Variants in PAFAH1B1 observed in about 807,000 individuals in gnomAD.
The protein encoded by PAFAH1B1 is platelet activating factor acetylhydrolase 1b regulatory subunit 1, also known as platelet-activating factor acetylhydrolase IB subunit beta.
PAFAH1B1 carries 2 observed loss-of-function variants against 57.5 expected under a neutral mutation model. That is an observed-to-expected ratio of 0.03 (90% confidence interval 0.01 to 0.11). The LOEUF is 0.11. Ranked by LOEUF, PAFAH1B1 falls within the 10% of genes least tolerant of loss-of-function variation. PAFAH1B1 has a pLI of 1.00. For missense variants in PAFAH1B1, 257 were observed against 512.0 expected (o/e 0.50, Z 4.81); for synonymous variants, 152 against 169.6 (o/e 0.90, Z 0.81).
At chr17:2,645,676 C>T (rs1002025887) in intron 2 of PAFAH1B1, among the ~76,000 whole-genome samples, 1 of 150,474 alleles carries the variant, frequency 6.6e-6, no homozygotes, top group African/African-American at 2.4e-5. Context: ...TGCAGTGGCA[C>T]GATCTCAGCT....
chr17:2,653,360 G>A (rs952369072), intron 2 of PAFAH1B1, among the ~76,000 whole-genome samples: 2 of 151,822 alleles, frequency 1.3e-5, no homozygotes, highest in Non-Finnish European at 2.9e-5. Flanking sequence ...CATGGCACAT[G>A]TATACATATG....
In PAFAH1B1 at chr17:2,682,792, A is replaced by T. The variant is rs552881841; in HGVS notation, c.*990A>T. ...ATACAGCAGTTTGTTTTTCAACATG[A>T]ATCTGATATTGATTTAAACTGTGTT... On this transcript the variant is annotated 3_prime_UTR_variant, in exon 11 of 11. Coordinates refer to ENST00000397195, the MANE Select transcript of PAFAH1B1 (RefSeq NM_000430.4). 2.0e-5 allele frequency: 3 copies of T among 152,852 alleles called. No homozygotes were observed. The East Asian group carries it at 5.8e-4, about 29-fold the overall frequency. The allele number at this position is 152,852 out of a possible 1,614,324, so 9.5% of individuals were successfully genotyped here.
rs189077516 is a variant in PAFAH1B1 at position 2,652,356 on chromosome 17, A to C, written c.33-13016A>C. On this transcript the variant is annotated intron_variant, in intron 2 of 10. Transcript: ENST00000397195. ...CGTGAACCCGGGAGGCGGAGCTTGC[A>C]GTGAGCCAAGATCGCGCCACTGCAC... 3.9e-3 allele frequency among the ~76,000 whole-genome samples: 591 copies of C among 152,350 alleles called. 1 individual carries two copies. The highest frequency in any genetic ancestry group is 0.013 in the African/African-American group (555 of 41,582).
chr17:2,680,812 G>T, intron 10 of PAFAH1B1: 1 of 204,152 alleles, frequency 4.9e-6, no homozygotes, highest in Non-Finnish European at 1.0e-5. Flanking sequence ...ATGGACCAAA[G>T]CCTGCGTAAG....
intron 1 of PAFAH1B1, among the ~76,000 whole-genome samples, chr17:2,634,662 AT>A (rs926275730): frequency 2.4e-4 from 36 of 147,760 alleles, no homozygotes; most frequent in South Asian, 4.3e-4. Flanking sequence ...TAAGTGAGTG[AT>A]TTTTTTTTTT....
At chr17:2,666,296 C>T (rs1313879969) in intron 4 of PAFAH1B1, among the ~76,000 whole-genome samples, 2 of 152,142 alleles carry the variant, frequency 1.3e-5, no homozygotes, top group East Asian at 1.9e-4. Flanking sequence ...TGACTGGGTT[C>T]AATCTGCATA....
chr17:2,664,651 T>C (rs2069072547), intron 2 of PAFAH1B1, among the ~76,000 whole-genome samples: 1 of 143,218 alleles, frequency 7.0e-6, no homozygotes, highest in African/African-American at 2.6e-5. Flanking sequence ...GATATATATC[T>C]ATATCTATCT....
chr17:2,645,083 C>CA (rs1332931600), intron 2 of PAFAH1B1, among the ~76,000 whole-genome samples: 4 of 151,888 alleles, frequency 2.6e-5, no homozygotes, highest in African/African-American at 9.7e-5. Flanking sequence ...CCCGTCTCTA[C>CA]AAAAAATACA....
At position 2,666,042 on chromosome 17, in the gene PAFAH1B1, T is replaced by C; in HGVS notation, c.144T>C (p.Ala48=). The C allele has an allele frequency of 6.6e-7, 1 of 1,522,476 alleles. No homozygotes were observed. Among genetic ancestry groups the C allele is most frequent in the Non-Finnish European group, 9.0e-7 (1 of 1,113,774 alleles). The allele number at this position is 1,522,476 out of a possible 1,614,324, so 94.3% of individuals were successfully genotyped here. A position where few individuals can be genotyped will look rare whatever the true frequency, so the allele number is the denominator to read the frequency against. ...ATGAAGAATTAGATAAAAAGTATGC[T>C]GGTCTTTTGGAAAAAAAATGGACAT... ...DVNEELDKKY[A]GLLEKKWTSV... The change falls in exon 4 of 11, where the codon GCT becomes GCC. Residue 48 remains alanine, a synonymous_variant. Coordinates refer to ENST00000397195, the MANE Select transcript of PAFAH1B1 (RefSeq NM_000430.4).
At chr17:2,667,233 C>T (rs2069117797) in intron 5 of PAFAH1B1, 35 bp downstream of exon 5, 2 of 1,518,644 alleles carry the variant, frequency 1.3e-6, no homozygotes, top group East Asian at 4.5e-5. Context: ...TAACGGGAGG[C>T]TGAAGCAGGA....
At chr17:2,670,611 A>G (rs1319380661) in intron 6 of PAFAH1B1, among the ~76,000 whole-genome samples, 5 of 152,196 alleles carry the variant, frequency 3.3e-5, no homozygotes. Context: ...TGAGTTAAAA[A>G]TGGTTTTGTT....
intron 1 of PAFAH1B1, among the ~76,000 whole-genome samples, chr17:2,600,175 G>T (rs1040846615): frequency 6.6e-6 from 1 of 151,506 alleles, no homozygotes; most frequent in South Asian, 2.1e-4. Flanking sequence ...AGAACTCCTG[G>T]CCTCAAGTGA....
chr17:2,676,153 C>T (rs933067925), intron 8 of PAFAH1B1, among the ~76,000 whole-genome samples: 12 of 152,128 alleles, frequency 7.9e-5, no homozygotes, highest in South Asian at 2.1e-4. Flanking sequence ...GTGGGCCGAT[C>T]GATCATCTGA....
Position 2,684,996 on chromosome 17 carries a change from C to T in PAFAH1B1, c.*3194C>T, listed in dbSNP as rs1167934828. 6.6e-6 allele frequency: 1 copy of T among 152,040 alleles called. No homozygotes were observed. Among genetic ancestry groups the T allele is most frequent in the East Asian group, 1.9e-4 (1 of 5,202 alleles). The allele number at this position is 152,040 out of a possible 1,614,324, so 9.4% of individuals were successfully genotyped here. A position where few individuals can be genotyped will look rare whatever the true frequency, so the allele number is the denominator to read the frequency against. Reference sequence around the variant, plus strand: ...TTGTTGACATCGGTGGCTCGATCATCCTTAAGCAACTGAAGTTAAAATTGT... The same window carrying T: ...TTGTTGACATCGGTGGCTCGATCATTCTTAAGCAACTGAAGTTAAAATTGT... On this transcript the variant is annotated 3_prime_UTR_variant, in exon 11 of 11. Transcript: ENST00000397195.
rs1437513169 is a variant in PAFAH1B1 at position 2,674,436 on chromosome 17, G to C, written c.900+148G>C. 21 of 687,396 alleles carry C rather than the reference G, an allele frequency of 3.1e-5. No individual in the cohort carries two copies. The East Asian group carries it at 5.4e-4, about 18-fold the overall frequency. 42.6% of individuals were successfully genotyped at this position (687,396 alleles called of 1,614,324 possible). A position where few individuals can be genotyped will look rare whatever the true frequency, so the allele number is the denominator to read the frequency against. ...ATCTTGAAATTCTCTACTCTTCACA[G>C]CTTGCTGATGTGTTTACATTATTTA... On this transcript the variant is annotated intron_variant, in intron 8 of 10. Coordinates refer to ENST00000397195, the MANE Select transcript of PAFAH1B1 (RefSeq NM_000430.4).
At chr17:2,646,016 C>T (rs2068763610) in intron 2 of PAFAH1B1, among the ~76,000 whole-genome samples, 1 of 151,894 alleles carries the variant, frequency 6.6e-6, no homozygotes, top group South Asian at 2.1e-4. Flanking sequence ...CAGATACAGC[C>T]AACATAGCCT....
intron 1 of PAFAH1B1, chr17:2,614,067 C>T (rs2068306987): frequency 7.5e-6 from 1 of 133,852 alleles, no homozygotes; most frequent in Non-Finnish European, 1.5e-5. Context: ...GCTCTGTCGC[C>T]CAGGGTGGAG....
Position 2,674,305 on chromosome 17 carries a change from T to C in PAFAH1B1, c.900+17T>C. Reference sequence around the variant, plus strand: ...GGATCTGAGGTACTGTATATACAAATGTCTTCATGGTTTTATTGCTGATAT... The same window carrying C: ...GGATCTGAGGTACTGTATATACAAACGTCTTCATGGTTTTATTGCTGATAT... On this transcript the variant is annotated intron_variant, in intron 8 of 10. Transcript: ENST00000397195. The C allele has an allele frequency of 1.3e-6, 2 of 1,566,930 alleles. No individual in the cohort carries two copies. The highest frequency in any genetic ancestry group is 1.8e-6 in the Non-Finnish European group (2 of 1,136,984).
intron 1 of PAFAH1B1, among the ~76,000 whole-genome samples, chr17:2,627,592 T>A (rs1003083780): frequency 2.6e-5 from 4 of 152,240 alleles, no homozygotes; most frequent in African/African-American, 9.6e-5. Flanking sequence ...TGGTTCCACA[T>A]AAATTTTAGA....
Sources: gnomAD v4.1 joint callset for allele counts (sites outside exome capture counted in the v4.1 genomes callset) on GRCh38, gnomAD v4.1.1 for gene constraint, MANE v1.5 for transcripts, NCBI Gene and HGNC (gene_info 2026-07-23, HGNC 2026-07-21) for gene names.